The following ZNF430 variants were observed in gnomAD, a reference collection of about 807,000 sequenced individuals.
The protein encoded by ZNF430 is zinc finger protein 430.
ZNF430 carries 35 observed loss-of-function variants against 56.7 expected under a neutral mutation model. The observed-to-expected ratio is 0.62, with a 90% CI of 0.47 to 0.82. The LOEUF is 0.82. ZNF430 is among the 40% of genes least tolerant of loss of function. ZNF430 has a pLI of 0.00. For missense variants in ZNF430, 574 were observed against 661.0 expected, an observed-to-expected ratio of 0.87 and a Z score of 1.44; for synonymous variants, 212 against 224.3, an observed-to-expected ratio of 0.94 and a Z score of 0.49.
intron 4 of ZNF430, among the ~76,000 whole-genome samples, chr19:21,055,752 C>A (rs374219889): frequency 1.6e-4 from 24 of 152,270 alleles, no homozygotes; most frequent in South Asian, 4.1e-4. Context: ...CCACAACTGG[C>A]CTTTTTTTGT....
chr19:21,031,473 T>C (rs945838793), intron 2 of ZNF430, among the ~76,000 whole-genome samples: 2 of 152,058 alleles, frequency 1.3e-5, no homozygotes, highest in Non-Finnish European at 2.9e-5. Flanking sequence ...ATTGCTGGTG[T>C]CTGTGGCAGA....
At chr19:21,025,940 T>C (rs1397453856) in intron 2 of ZNF430, 10 of 422,644 alleles carry the variant, frequency 2.4e-5, no homozygotes, top group South Asian at 6.1e-5. Context: ...GTTTCTGTCA[T>C]TGAGAACAGA....
intron 1 of ZNF430, among the ~76,000 whole-genome samples, chr19:21,021,498 C>T (rs1599485986): frequency 6.7e-6 from 1 of 149,686 alleles, no homozygotes; most frequent in South Asian, 2.1e-4. Context: ...GACTCCGTCT[C>T]GGAAAAAAAA....
chr19:21,039,924 C>T (rs748849769), intron 4 of ZNF430, among the ~76,000 whole-genome samples: 1 of 152,136 alleles, frequency 6.6e-6, no homozygotes, highest in Non-Finnish European at 1.5e-5. Context: ...TCACTGCAAC[C>T]TCAGTCTCCT....
In ZNF430 at chr19:21,057,910, T is replaced by C; in HGVS notation, c.1602T>C (p.Ile534=). Reference sequence around the variant, plus strand: ...CAACTCTTACTAAACATAAGGTAATTCATACTGGAGAGAAACCCTACAACT... The same window carrying C: ...CAACTCTTACTAAACATAAGGTAATCCATACTGGAGAGAAACCCTACAACT... ...QSSTLTKHKV[I]HTGEKPYNCE... The change falls in exon 5 of 5, where the codon ATT becomes ATC. Residue 534 remains isoleucine, a synonymous_variant. Coordinates refer to ENST00000261560, the MANE Select transcript of ZNF430 (RefSeq NM_025189.4). The C allele has an allele frequency of 6.2e-7, 1 of 1,613,696 alleles. No individual in the cohort carries two copies. The highest frequency in any genetic ancestry group is 1.1e-5 in the South Asian group (1 of 91,032).
chr19:21,051,223 A>G (rs1968278056), intron 4 of ZNF430, among the ~76,000 whole-genome samples: 1 of 151,970 alleles, frequency 6.6e-6, no homozygotes, highest in African/African-American at 2.4e-5. Flanking sequence ...TGTATCTTCT[A>G]CAGTCTCTTT....
chr19:21,031,319 G>A (rs918816139), intron 2 of ZNF430, among the ~76,000 whole-genome samples: 1 of 152,128 alleles, frequency 6.6e-6, no homozygotes, highest in African/African-American at 2.4e-5. Context: ...CTAAGGTGAG[G>A]CCAGAATCAA....
At position 21,059,063 on chromosome 19, in the gene ZNF430, T is replaced by C. The variant is rs1968427496; in HGVS notation, c.*1042T>C. On this transcript the variant is annotated 3_prime_UTR_variant, in exon 5 of 5. Coordinates refer to ENST00000261560, the MANE Select transcript of ZNF430 (RefSeq NM_025189.4). ...ATTTAATAAATTTTAAAAAACACTT[T>C]TTCAAAAAGTACAGCTTAGAAGACA... 1 of 152,170 alleles carries C rather than the reference T, an allele frequency of 6.6e-6. No homozygotes were observed. The highest frequency in any genetic ancestry group is 1.5e-5 in the Non-Finnish European group (1 of 68,042). 9.4% of individuals were successfully genotyped at this position (152,170 alleles called of 1,614,324 possible). A position where few individuals can be genotyped will look rare whatever the true frequency, so the allele number is the denominator to read the frequency against.
chr19:21,045,762 T>C (rs1968177098), intron 4 of ZNF430, among the ~76,000 whole-genome samples: 1 of 152,358 alleles, frequency 6.6e-6, no homozygotes, highest in East Asian at 1.9e-4. Flanking sequence ...CCTCCTTGAA[T>C]TGATTCCTTT....
Position 21,056,899 on chromosome 19 carries a change from A to G in ZNF430, c.591A>G (p.Ile197Met). The change falls in exon 5 of 5, where the codon ATA becomes ATG. Residue 197 changes from isoleucine (I) to methionine (M), a missense_variant. Ile to Met is a conservative substitution (Grantham distance 10). Around this residue, in one of 3 missense-constraint regions of ZNF430, gnomAD observed 346 missense variants for 399.1 expected, o/e 0.87. Coordinates refer to ENST00000261560, the MANE Select transcript of ZNF430 (RefSeq NM_025189.4). ...YKFSNPNIQK[I>M]RHTGKKPFKC... The stretch of plus-strand genomic sequence containing the variant: ...TTTCAAATCCAAATATACAAAAGAT[A>G]AGACATACTGGAAAGAAGCCTTTCA... 6.2e-7 allele frequency: 1 copy of G among 1,612,240 alleles called. No homozygotes were observed.
chr19:21,026,334 G>A (rs1023620960), intron 2 of ZNF430, among the ~76,000 whole-genome samples: 4 of 151,846 alleles, frequency 2.6e-5, no homozygotes, highest in African/African-American at 7.3e-5. Context: ...GATTATAGGC[G>A]CACGCCACCA....
rs1273713017 is a variant in ZNF430 at position 21,058,074 on chromosome 19, A to G, written c.*53A>G. The G allele has an allele frequency of 1.3e-6, 2 of 1,501,750 alleles. No homozygotes were observed. Among genetic ancestry groups the G allele is most frequent in the Non-Finnish European group, 1.8e-6 (2 of 1,105,360 alleles). The allele number at this position is 1,501,750 out of a possible 1,614,324, so 93.0% of individuals were successfully genotyped here. On this transcript the variant is annotated 3_prime_UTR_variant, in exon 5 of 5. Coordinates refer to ENST00000261560, the MANE Select transcript of ZNF430 (RefSeq NM_025189.4). ...CTGAATTCTTACTAAACATAAGAACATTCATACTGAAGAGGAACCCTATGA... is the reference window on the plus strand; with the variant it reads ...CTGAATTCTTACTAAACATAAGAACGTTCATACTGAAGAGGAACCCTATGA...
intron 1 of ZNF430, among the ~76,000 whole-genome samples, chr19:21,022,113 C>A (rs1234457336): frequency 6.6e-6 from 1 of 152,166 alleles, no homozygotes; most frequent in East Asian, 1.9e-4. Context: ...GCTGGGATTA[C>A]AGGCGTGAGC....
At chr19:21,025,865 T>A in intron 2 of ZNF430, 1 of 311,052 alleles carries the variant, frequency 3.2e-6, no homozygotes, top group Non-Finnish European at 6.0e-6. Flanking sequence ...ACTTTCCCCC[T>A]CTTTGTACTC....
At chr19:21,056,502 A>AAT in intron 4 of ZNF430, 129 bp from the exon 5 acceptor site, 2 of 651,326 alleles carry the variant, frequency 3.1e-6, no homozygotes, top group Non-Finnish European at 2.3e-6. Flanking sequence ...AAAAAAAAAA[A>AAT]TTAGGGCCTT....
rs878883800 is a variant in ZNF430, at chr19:21,057,619, T to A, written c.1311T>A (p.Ala437=). The change falls in exon 5 of 5, where the codon GCT becomes GCA. Residue 437 remains alanine, a synonymous_variant. Transcript: ENST00000261560. ...ACAAATGTGAACAATGTGGCAAAGC[T>A]TTTAATGAGTCCTCAAACCTTACTG... ...KPYKCEQCGK[A]FNESSNLTAH... is the part of the protein sequence containing the mutation. 1.9e-6 allele frequency: 3 copies of A among 1,611,380 alleles called. No homozygotes were observed. In the African/African-American group the frequency reaches 4.0e-5, roughly 22 times the overall value.
intron 4 of ZNF430, among the ~76,000 whole-genome samples, chr19:21,042,715 G>T (rs561608931): frequency 6.6e-6 from 1 of 151,920 alleles, no homozygotes; most frequent in Non-Finnish European, 1.5e-5. Flanking sequence ...GTGAACCTGG[G>T]AGGCAGAGCT....
chr19:21,026,932 C>T (rs965863370), intron 2 of ZNF430, among the ~76,000 whole-genome samples: 14 of 136,830 alleles, frequency 1.0e-4, no homozygotes, highest in Non-Finnish European at 3.1e-5. Flanking sequence ...CAGGTTGAAG[C>T]GATTCTCCTG....
chr19:21,020,846 G>A, intron 1 of ZNF430, 43 bp downstream of exon 1: 1 of 1,613,198 alleles, frequency 6.2e-7, no homozygotes. Flanking sequence ...GGGAGGGGCT[G>A]GTTGTAATGG....
Sources: gnomAD v4.1 joint callset for allele counts (sites outside exome capture counted in the v4.1 genomes callset) on GRCh38, gnomAD v4.1.1 for gene constraint, gnomAD v4.1.1 regional missense constraint, MANE v1.5 for transcripts, NCBI Gene and HGNC (gene_info 2026-07-23, HGNC 2026-07-21) for gene names.